Variants in SCN7A observed in about 807,000 individuals in gnomAD.
SCN7A encodes sodium channel protein type 7 subunit alpha.
A neutral mutation model predicts 155.2 loss-of-function variants in SCN7A; 138 were observed. The ratio of observed to expected loss-of-function variants is 0.89; its 90% confidence interval spans 0.77 to 1.02. SCN7A has a LOEUF of 1.02. Ranked by LOEUF, SCN7A falls within the 50% of genes least tolerant of loss-of-function variation. The pLI is 0.00. For synonymous variants in SCN7A, 693 were observed against 649.0 expected, an observed-to-expected ratio of 1.07 and a Z score of -1.03; for missense variants, 2,058 against 1,986.6, an observed-to-expected ratio of 1.04 and a Z score of -0.68.
At chr2:166,411,327 G>A (rs1467138658) in intron 23 of SCN7A, among the ~76,000 whole-genome samples, 3 of 152,020 alleles carry the variant, frequency 2.0e-5, no homozygotes, top group Non-Finnish European at 4.4e-5. Flanking sequence ...CCTTTGTCCA[G>A]CACATCCACT....
At position 166,416,900 on chromosome 2, in the gene SCN7A, A is replaced by T. The variant is rs376603579; in HGVS notation, c.3221T>A (p.Ile1074Asn). ...GCCAGCAAATAAGTCTACTCCCATG[A>T]TACTAAAAATCAGCCAGATCATCAG... Reference protein sequence around the residue: ...VCLMIWLIFSIMGVDLFAGRF... With the variant: ...VCLMIWLIFSNMGVDLFAGRF... The change falls in exon 21 of 26, where the codon ATC becomes AAC. Residue 1074 changes from isoleucine (I) to asparagine (N), a missense_variant. Physicochemically the swap from Ile to Asn is moderately radical, Grantham distance 149. Coordinates refer to ENST00000643258, the MANE Select transcript of SCN7A (RefSeq NM_002976.4). 7.4e-6 allele frequency: 12 copies of T among 1,613,108 alleles called. No individual in the cohort carries two copies. The African/African-American group carries it at 1.3e-4, about 18-fold the overall frequency.
At chr2:166,420,212 A>G (rs72623154) in intron 20 of SCN7A, among the ~76,000 whole-genome samples, 32,808 of 151,954 alleles carry the variant, frequency 0.22, 4,005 homozygotes, top group African/African-American at 0.33. Context: ...ACCAAGTGGA[A>G]GGAGTTTAAG....
chr2:166,462,308 C>G (rs1702431423), intron 10 of SCN7A, 81 bp downstream of exon 10: 2 of 1,392,116 alleles, frequency 1.4e-6, no homozygotes, highest in Non-Finnish European at 1.9e-6. Context: ...ATTTAAAAAA[C>G]TATATTACAT....
chr2:166,489,377 G>A (rs1281758864), intron 1 of SCN7A, among the ~76,000 whole-genome samples: 1 of 152,152 alleles, frequency 6.6e-6, no homozygotes, highest in African/African-American at 2.4e-5. Context: ...GGTGTCAGAG[G>A]ATTCTGTTGC....
In SCN7A at chr2:166,412,800, T is replaced by C; in HGVS notation, c.3469-133A>G. The C allele has an allele frequency of 5.3e-6, 7 of 1,328,472 alleles. No homozygotes were observed. In the South Asian group the frequency reaches 1.2e-4, roughly 23 times the overall value. The allele number at this position is 1,328,472 out of a possible 1,614,324, so 82.3% of individuals were successfully genotyped here. Reference sequence around the variant, plus strand: ...TAAGAAACTGTTTTCTTTTTTGCTGTTTGGTAAAAGGATATCATTGCTTTG... The same window carrying C: ...TAAGAAACTGTTTTCTTTTTTGCTGCTTGGTAAAAGGATATCATTGCTTTG... On this transcript the variant is annotated intron_variant, in intron 22 of 25. Transcript: ENST00000643258.
At chr2:166,430,872 A>T (rs1346419253) in intron 16 of SCN7A, among the ~76,000 whole-genome samples, 1 of 152,054 alleles carries the variant, frequency 6.6e-6, no homozygotes, top group Admixed American at 6.6e-5. Flanking sequence ...GGGTATATCA[A>T]TATCCTAAGT....
chr2:166,407,426 G>A (rs2105357592), intron 25 of SCN7A, among the ~76,000 whole-genome samples: 1 of 152,076 alleles, frequency 6.6e-6, no homozygotes, highest in Admixed American at 6.6e-5. Context: ...GGTAGTGGAA[G>A]AAGGAATCCC....
intron 11 of SCN7A, among the ~76,000 whole-genome samples, chr2:166,449,928 CAG>C (rs1350333130): frequency 6.6e-6 from 1 of 152,056 alleles, no homozygotes; most frequent in African/African-American, 2.4e-5. Flanking sequence ...TAACTTAAAA[CAG>C]AGTTACCATT....
intron 9 of SCN7A, among the ~76,000 whole-genome samples, chr2:166,464,316 G>A (rs1559119076): frequency 6.6e-6 from 1 of 151,924 alleles, no homozygotes; most frequent in Non-Finnish European, 1.5e-5. Flanking sequence ...GAAGCCTTTT[G>A]TTAACCTGGG....
At position 166,477,630 on chromosome 2, in the gene SCN7A, G is replaced by A; in HGVS notation, c.67C>T (p.Gln23Ter). Residue 23 changes from glutamine (Q) to a stop codon, truncating the protein, a stop_gained, in exon 3 of 26, where the codon CAG becomes TAG. Coordinates refer to ENST00000643258, the MANE Select transcript of SCN7A (RefSeq NM_002976.4). LOFTEE classifies it high-confidence loss of function. ...TCATTATGTGTTTTAGCAATATGCT[G>A]TTTTATAAGTTCAAAAGACTCTTTA... ...FTKESFELIKQHIAKTHNEDH... is the reference protein window; with the variant it reads ...FTKESFELIK 1.2e-6 allele frequency: 2 copies of A among 1,605,990 alleles called. No homozygotes were observed. Among genetic ancestry groups the A allele is most frequent in the Non-Finnish European group, 1.7e-6 (2 of 1,175,556 alleles).
At position 166,441,752 on chromosome 2, in the gene SCN7A, A is replaced by C; in HGVS notation, c.1801T>G (p.Leu601Val). The C allele has an allele frequency of 6.3e-7, 1 of 1,593,892 alleles. No individual in the cohort carries two copies. The highest frequency in any genetic ancestry group is 8.5e-7 in the Non-Finnish European group (1 of 1,170,848). Residue 601 changes from leucine (L) to valine (V), a missense_variant and splice_region_variant, in exon 15 of 26, where the codon TTA becomes GTA. Transcript: ENST00000643258. ...TACTTTCCCAACTTGAAAATTCTTA[A>C]CTAATAGAGCAATGTAAAATCAAGA... ...GMALLRLFRMLRIFKLGKYWP... is the reference protein window; with the variant it reads ...GMALLRLFRMVRIFKLGKYWP...
chr2:166,483,604 A>G (rs1419708432), intron 2 of SCN7A, among the ~76,000 whole-genome samples: 2 of 151,878 alleles, frequency 1.3e-5, no homozygotes, highest in Non-Finnish European at 1.5e-5. Context: ...ATTTAAATTT[A>G]AAACAACAAA....
intron 2 of SCN7A, among the ~76,000 whole-genome samples, chr2:166,486,345 C>T (rs1191507529): frequency 1.3e-5 from 2 of 152,026 alleles, no homozygotes; most frequent in Admixed American, 1.3e-4. Context: ...ACTCATAAAC[C>T]CCTAGCACCA....
Position 166,462,167 on chromosome 2 carries a change from TCTGA to T in SCN7A, c.1083+218_1083+221del. ...CTCTCCTCTCTTCTCTCTCTCTCTC[TCTGA>T]CCTTGTAGAATTGTTTCAAAGATTA... On this transcript the variant is annotated intron_variant, in intron 10 of 25. Transcript: ENST00000643258. The T allele has an allele frequency of 1.4e-5, 6 of 415,834 alleles. No individual in the cohort carries two copies. In the East Asian group the frequency reaches 2.2e-4, roughly 15 times the overall value. The allele number at this position is 415,834 out of a possible 1,614,324, so 25.8% of individuals were successfully genotyped here.
At chr2:166,463,087 G>A (rs1395359145) in intron 9 of SCN7A, among the ~76,000 whole-genome samples, 10 of 152,048 alleles carry the variant, frequency 6.6e-5, no homozygotes, top group Non-Finnish European at 1.5e-4. Context: ...AATGGTTGAG[G>A]GTATAATTTT....
chr2:166,451,264 A>G (rs1702171462), intron 11 of SCN7A, among the ~76,000 whole-genome samples: 1 of 152,142 alleles, frequency 6.6e-6, no homozygotes, highest in African/African-American at 2.4e-5. Context: ...AAATGAATAA[A>G]CCACAGGTCT....
intron 19 of SCN7A, 37 bp from the exon 20 acceptor site, chr2:166,421,334 C>T (rs1399975540): frequency 1.8e-6 from 2 of 1,123,228 alleles, no homozygotes. Context: ...GAATAGGATT[C>T]CATATTAATC....
chr2:166,472,740 A>AT (rs899702718), intron 5 of SCN7A, among the ~76,000 whole-genome samples: 4 of 151,770 alleles, frequency 2.6e-5, no homozygotes, highest in Non-Finnish European at 5.9e-5. Context: ...TGACTTTTAA[A>AT]TTTTTTTATT....
chr2:166,424,612 T>C (rs1343963029), intron 18 of SCN7A, among the ~76,000 whole-genome samples: 3 of 152,056 alleles, frequency 2.0e-5, no homozygotes, highest in East Asian at 1.9e-4. Flanking sequence ...ACTATAAGTA[T>C]ACATCTGTAT....
Sources: gnomAD v4.1 joint callset for allele counts (sites outside exome capture counted in the v4.1 genomes callset) on GRCh38, gnomAD v4.1.1 for gene constraint, MANE v1.5 for transcripts, NCBI Gene and HGNC (gene_info 2026-07-23, HGNC 2026-07-21) for gene names.